ALX4: variants seen among roughly 807,000 people sequenced by gnomAD.
ALX4 encodes homeobox protein aristaless-like 4.
A neutral mutation model predicts 40.6 loss-of-function variants in ALX4; 22 were observed. That is an observed-to-expected ratio of 0.54 (90% CI 0.39 to 0.77). The LOEUF (loss-of-function observed/expected upper bound fraction) is 0.77, where lower values mean the gene tolerates loss of function less well. Among genes scored for constraint, ALX4 ranks in the 30% least tolerant of loss-of-function variants. The probability of loss-of-function intolerance (pLI) is 0.00; values close to 1 mark genes in which losing one functional copy is unlikely to be tolerated. For missense variants in ALX4, 556 were observed against 564.8 expected, an observed-to-expected ratio of 0.98 and a Z score of 0.16; for synonymous variants, 266 against 240.5, an observed-to-expected ratio of 1.11 and a Z score of -0.98.
intron 1 of ALX4, among the ~76,000 whole-genome samples, chr11:44,287,166 C>G (rs540234189): frequency 8.5e-5 from 13 of 152,360 alleles, no homozygotes; most frequent in African/African-American, 3.1e-4. Context: ...CACACAGAAG[C>G]TCTCTCAGTT....
intron 1 of ALX4, among the ~76,000 whole-genome samples, chr11:44,291,831 T>C (rs559090751): frequency 6.6e-6 from 1 of 152,342 alleles, no homozygotes; most frequent in East Asian, 1.9e-4. Context: ...TATGTATTTA[T>C]TTATAGAGAC....
intron 1 of ALX4, among the ~76,000 whole-genome samples, chr11:44,286,612 A>T (rs1362596442): frequency 1.3e-5 from 2 of 152,128 alleles, no homozygotes. Context: ...AGGATTTGCC[A>T]CTCAAGCAGT....
intron 2 of ALX4, among the ~76,000 whole-genome samples, chr11:44,270,379 C>G (rs1223027543): frequency 6.6e-6 from 1 of 151,818 alleles, no homozygotes; most frequent in Non-Finnish European, 1.5e-5. Flanking sequence ...CAGGGCTGCC[C>G]ACCTCCTCCC....
intron 1 of ALX4, among the ~76,000 whole-genome samples, chr11:44,284,126 A>G (rs1441631196): frequency 6.6e-6 from 1 of 151,496 alleles, no homozygotes; most frequent in Non-Finnish European, 1.5e-5. Context: ...AAAAAGAGGA[A>G]GGGAGTGGAG....
At chr11:44,301,971 C>T (rs528996576) in intron 1 of ALX4, among the ~76,000 whole-genome samples, 5 of 152,230 alleles carry the variant, frequency 3.3e-5, no homozygotes, top group South Asian at 4.1e-4. Context: ...CCCAGGATGA[C>T]GCGGGGGGTG....
In ALX4 at chr11:44,267,608, G is replaced by A. The variant is rs375808395; in HGVS notation, c.792C>T (p.Asn264=). Reference sequence around the variant, plus strand: ...CCCGCTTCCTCCACTTGGCCCTTCGGTTCTGGAACCAGACCTACAAGACGC... The same window carrying A: ...CCCGCTTCCTCCACTTGGCCCTTCGATTCTGGAACCAGACCTACAAGACGC... ...TEARVQVWFQ[N]RRAKWRKRER... is the part of the protein sequence containing the mutation. Residue 264 remains asparagine (N), a synonymous_variant, in exon 3 of 4, where the codon AAC becomes AAT. Coordinates refer to ENST00000652299, the MANE Select transcript of ALX4 (RefSeq NM_021926.4). The A allele has an allele frequency of 8.1e-6, 13 of 1,614,034 alleles. No individual in the cohort carries two copies. In the African/African-American group the frequency reaches 1.5e-4, roughly 18 times the overall value.
intron 1 of ALX4, among the ~76,000 whole-genome samples, chr11:44,286,572 G>A (rs1434645237): frequency 6.6e-6 from 1 of 152,124 alleles, no homozygotes; most frequent in African/African-American, 2.4e-5. Flanking sequence ...GTTTCTAGAC[G>A]TTTGTTTGAA....
At chr11:44,297,098 G>T (rs1327594385) in intron 1 of ALX4, among the ~76,000 whole-genome samples, 7 of 151,946 alleles carry the variant, frequency 4.6e-5, no homozygotes, top group Admixed American at 4.6e-4. Context: ...GGGGGTCAAG[G>T]GTGTGATGGC....
chr11:44,275,850 A>T (rs1590691669), intron 1 of ALX4, among the ~76,000 whole-genome samples, 192 bp from the exon 2 acceptor site: 1 of 151,990 alleles, frequency 6.6e-6, no homozygotes, highest in Non-Finnish European at 1.5e-5. Context: ...CCTTGGGCAA[A>T]TCTCTTCCCC....
intron 2 of ALX4, among the ~76,000 whole-genome samples, chr11:44,269,053 T>C (rs1956229959): frequency 6.6e-6 from 1 of 152,246 alleles, no homozygotes; most frequent in African/African-American, 2.4e-5. Context: ...ATGCAGCTGC[T>C]GAGCTAAATA....
At chr11:44,305,262 A>G (rs6485507) in intron 1 of ALX4, among the ~76,000 whole-genome samples, 135,277 of 152,284 alleles carry the variant, frequency 0.89, 60,389 homozygotes, top group South Asian at 0.93. Context: ...GTGCAAGATC[A>G]TGCAAGTCGA....
intron 1 of ALX4, among the ~76,000 whole-genome samples, chr11:44,293,141 AAG>A (rs1565007419): frequency 1.3e-5 from 1 of 79,190 alleles, no homozygotes. Context: ...GGAAGGAAGG[AAG>A]GAAGGAAGGA....
Position 44,270,809 on chromosome 11 carries a change from G to A in ALX4, c.778-3187C>T, listed in dbSNP as rs142732564. Among the ~76,000 whole-genome samples the A allele has an allele frequency of 7.0e-3, 1,063 of 152,316 alleles. 15 individuals carry two copies. Among genetic ancestry groups the A allele is most frequent in the Non-Finnish European group, 0.012 (810 of 68,014 alleles). On this transcript the variant is annotated intron_variant, in intron 2 of 3. Coordinates refer to ENST00000652299, the MANE Select transcript of ALX4 (RefSeq NM_021926.4). ...GGCCCACTCAGCACAGGCCTCTCCC[G>A]AGGACCGGGCTGTGCAAGGAACCAA... is the stretch of plus-strand genomic sequence containing the variant.
chr11:44,301,509 C>T (rs77767036), intron 1 of ALX4, among the ~76,000 whole-genome samples: 4,027 of 152,322 alleles, frequency 0.026, 180 homozygotes, highest in African/African-American at 0.092. Flanking sequence ...AGGGATTCCA[C>T]GGGTGCTCTC....
At position 44,267,462 on chromosome 11, in the gene ALX4, G is replaced by A. The variant is rs114123605; in HGVS notation, c.906+32C>T. The A allele has an allele frequency of 2.1e-3, 3,388 of 1,612,088 alleles. 53 individuals carry two copies. The African/African-American group carries it at 0.038, about 18-fold the overall frequency. On this transcript the variant is annotated intron_variant, in intron 3 of 3. Coordinates refer to ENST00000652299, the MANE Select transcript of ALX4 (RefSeq NM_021926.4). The stretch of plus-strand genomic sequence containing the variant: ...CATTCTCAGAGCACCAGGGGCTGGG[G>A]ATCGGTGGCGGCAGCTCAGGGCGGG...
chr11:44,264,130 G>A lies in ALX4; in HGVS notation c.*724C>T, dbSNP rs1484392239. On this transcript the variant is annotated 3_prime_UTR_variant, in exon 4 of 4. Transcript: ENST00000652299. ...GCTCCTCCCCTATAGTGTCCAGTGAGGGGCTGGCCCGTGTCTCCCCTGGGG... is the reference window on the plus strand; with the variant it reads ...GCTCCTCCCCTATAGTGTCCAGTGAAGGGCTGGCCCGTGTCTCCCCTGGGG... 2 of 153,184 alleles carry A rather than the reference G, an allele frequency of 1.3e-5. No homozygotes were observed. Among genetic ancestry groups the A allele is most frequent in the East Asian group, 1.9e-4 (1 of 5,202 alleles). 9.5% of individuals were successfully genotyped at this position (153,184 alleles called of 1,614,324 possible).
chr11:44,268,828 C>T lies in ALX4; in HGVS notation c.778-1206G>A, dbSNP rs540798700. Among the ~76,000 whole-genome samples, 8 of 152,310 alleles carry T rather than the reference C, an allele frequency of 5.3e-5. No individual in the cohort carries two copies. In the South Asian group the frequency reaches 1.2e-3, roughly 24 times the overall value. On this transcript the variant is annotated intron_variant, in intron 2 of 3. Coordinates refer to ENST00000652299, the MANE Select transcript of ALX4 (RefSeq NM_021926.4). ...GGGAGGCCTCTGCCAGCTTGATGTG[C>T]ACTTGTCTGCTGGCTTTGCAGACTC...
intron 1 of ALX4, among the ~76,000 whole-genome samples, chr11:44,307,004 A>G (rs1956472427): frequency 6.6e-6 from 1 of 152,166 alleles, no homozygotes; most frequent in Non-Finnish European, 1.5e-5. Context: ...CCTCCATCTT[A>G]GGCAGCATGG....
At chr11:44,271,423 G>A (rs758221868) in intron 2 of ALX4, among the ~76,000 whole-genome samples, 1 of 152,178 alleles carries the variant, frequency 6.6e-6, no homozygotes, top group African/African-American at 2.4e-5. Context: ...TATCAAATGG[G>A]AAGATGGGGT....
Sources: allele counts gnomAD v4.1 joint callset (sites outside exome capture counted in the v4.1 genomes callset), GRCh38; gene constraint gnomAD v4.1.1; transcripts MANE v1.5; gene names NCBI Gene and HGNC (gene_info 2026-07-23, HGNC 2026-07-21).